The following BBS4 variants were observed in gnomAD, a reference collection of about 807,000 sequenced individuals.
BBS4 encodes BBSome complex member BBS4.
In BBS4, 58 loss-of-function variants were observed where a neutral mutation model predicts 71.4. The observed-to-expected ratio is 0.81, with a 90% confidence interval of 0.66 to 1.01. The LOEUF (loss-of-function observed/expected upper bound fraction) is 1.01, where lower values mean the gene tolerates loss of function less well. Ranked by LOEUF, BBS4 falls within the 50% of genes least tolerant of loss-of-function variation. The pLI, the probability that BBS4 is intolerant of heterozygous loss-of-function variation, is 0.00. For missense variants in BBS4, 660 were observed against 607.9 expected (o/e 1.09, Z -0.90); for synonymous variants, 228 against 216.8 (o/e 1.05, Z -0.46).
At chr15:72,693,059 A>T (rs1353867191) in intron 1 of BBS4, among the ~76,000 whole-genome samples, 2 of 152,236 alleles carry the variant, frequency 1.3e-5, no homozygotes, top group Admixed American at 6.5e-5. Flanking sequence ...AAGAAATTAA[A>T]AAATACATGT....
At chr15:72,703,695 C>T (rs11072382) in intron 2 of BBS4, among the ~76,000 whole-genome samples, 146,543 of 152,266 alleles carry the variant, frequency 0.96, 70,784 homozygotes, top group East Asian at 1. Flanking sequence ...AAAACTTTTA[C>T]GTGCTACATG....
intron 2 of BBS4, among the ~76,000 whole-genome samples, chr15:72,707,889 C>T (rs892355213): frequency 3.9e-5 from 6 of 152,132 alleles, no homozygotes; most frequent in Admixed American, 2.0e-4. Flanking sequence ...TGGGCAACAG[C>T]ATAATGTTCT....
intron 7 of BBS4, 106 bp from the exon 8 acceptor site, chr15:72,724,422 T>C: frequency 6.6e-7 from 1 of 1,524,260 alleles, no homozygotes; most frequent in Middle Eastern, 1.9e-4. Context: ...TGAAATGTGA[T>C]GTTCCTATGT....
intron 10 of BBS4, among the ~76,000 whole-genome samples, chr15:72,730,027 A>G (rs2065781455): frequency 1.3e-5 from 2 of 152,212 alleles, no homozygotes; most frequent in Admixed American, 1.3e-4. Flanking sequence ...CTGTAATCCC[A>G]GCACTTTGGG....
At chr15:72,735,534 G>A (rs1446242801) in intron 13 of BBS4, 3 of 533,626 alleles carry the variant, frequency 5.6e-6, no homozygotes, top group Admixed American at 6.3e-5. Flanking sequence ...GATTTACTCC[G>A]CTGGCATCTT....
chr15:72,702,582 A>G (rs2065189576), intron 2 of BBS4, among the ~76,000 whole-genome samples: 1 of 152,140 alleles, frequency 6.6e-6, no homozygotes, highest in South Asian at 2.1e-4. Flanking sequence ...AGCTAATGAG[A>G]AGCAAACAAA....
At chr15:72,715,260 A>T in intron 4 of BBS4, 31 bp from the exon 5 acceptor site, 1 of 1,537,154 alleles carries the variant, frequency 6.5e-7, no homozygotes, top group Non-Finnish European at 9.0e-7. Flanking sequence ...ACATGGTTTT[A>T]CTTTTTTTTG....
rs1555502366 is a variant in BBS4, at chr15:72,735,810, C to A, written c.1107-15C>A. ...TGCAGAGCCCCCAGCTCCATAGAATCTCTGTCTGCCACAGGTGTAACCCTT... is the reference window on the plus strand; with the variant it reads ...TGCAGAGCCCCCAGCTCCATAGAATATCTGTCTGCCACAGGTGTAACCCTT... On this transcript the variant is annotated splice_polypyrimidine_tract_variant and intron_variant, in intron 13 of 15. Transcript: ENST00000268057. 3.7e-6 allele frequency: 6 copies of A among 1,614,064 alleles called. 1 individual carries two copies. In the South Asian group the frequency reaches 6.6e-5, roughly 18 times the overall value.
chr15:72,730,874 G>C (rs942053063), intron 10 of BBS4, among the ~76,000 whole-genome samples: 5 of 152,114 alleles, frequency 3.3e-5, no homozygotes, highest in Non-Finnish European at 7.3e-5. Context: ...TTCTACGGTA[G>C]AAAGAAATTT....
intron 4 of BBS4, among the ~76,000 whole-genome samples, chr15:72,713,580 A>G (rs944771457): frequency 3.3e-5 from 5 of 152,234 alleles, no homozygotes; most frequent in African/African-American, 1.2e-4. Flanking sequence ...ATTAAAATGT[A>G]TAGCGTAGTA....
chr15:72,727,687 T>G (rs2065728946), intron 8 of BBS4, among the ~76,000 whole-genome samples: 1 of 152,184 alleles, frequency 6.6e-6, no homozygotes, highest in African/African-American at 2.4e-5. Context: ...TATAGGTTCT[T>G]TCTTAGGACT....
In BBS4 at chr15:72,688,411, C is replaced by CTTTTTTTTTTTTTTTTTTTTTTT. The variant is rs58644289; in HGVS notation, c.24+2180_24+2181insTTTTTTTTTTTTTTTTTTTTTTT. Among the ~76,000 whole-genome samples, 239 of 83,054 alleles carry CTTTTTTTTTTTTTTTTTTTTTTT rather than the reference C, an allele frequency of 2.9e-3. 41 individuals carry two copies. The highest frequency in any genetic ancestry group is 6.3e-3 in the East Asian group (12 of 1,908). 54.5% of individuals were successfully genotyped at this position (83,054 alleles called of 152,430 possible). A position where few individuals can be genotyped will look rare whatever the true frequency, so the allele number is the denominator to read the frequency against. ...GTCCTTTTAGGAAGTGGTATTTTAT[C>CTTTTTTTTTTTTTTTTTTTTTTT]TTTTTTTTTTTTTTTTTTTTGAGAC... On this transcript the variant is annotated intron_variant, in intron 1 of 15. Coordinates refer to ENST00000268057, the MANE Select transcript of BBS4 (RefSeq NM_033028.5).
At chr15:72,724,382 T>G in intron 7 of BBS4, 146 bp from the exon 8 acceptor site, 1 of 1,143,374 alleles carries the variant, frequency 8.7e-7, no homozygotes, top group Non-Finnish European at 1.3e-6. Context: ...TTTGGTATGT[T>G]TTGGTCTTTG....
Position 72,713,232 on chromosome 15 carries a change from C to T in BBS4, c.220+925C>T, listed in dbSNP as rs578146798. Among the ~76,000 whole-genome samples the T allele has an allele frequency of 2.6e-5, 4 of 151,972 alleles. No homozygotes were observed. In the East Asian group the frequency reaches 5.8e-4, roughly 22 times the overall value. On this transcript the variant is annotated intron_variant, in intron 4 of 15. Coordinates refer to ENST00000268057, the MANE Select transcript of BBS4 (RefSeq NM_033028.5). ...AAAAACTACGATACACACACTACTACAGTGGTGGTACTAACATGTGGAATG... is the reference window on the plus strand; with the variant it reads ...AAAAACTACGATACACACACTACTATAGTGGTGGTACTAACATGTGGAATG...
At chr15:72,735,026 G>C (rs939107461) in intron 12 of BBS4, 87 bp from the exon 13 acceptor site, 1 of 931,822 alleles carries the variant, frequency 1.1e-6, no homozygotes, top group African/African-American at 1.6e-5. Context: ...TGAGCTGACA[G>C]GGTGAAGTTT....
chr15:72,709,389 C>T (rs2065324560), intron 2 of BBS4, among the ~76,000 whole-genome samples: 1 of 152,118 alleles, frequency 6.6e-6, no homozygotes, highest in Non-Finnish European at 1.5e-5. Context: ...CTTCTATAAC[C>T]AGGGAAGGAG....
At chr15:72,688,855 T>C (rs2064928882) in intron 1 of BBS4, among the ~76,000 whole-genome samples, 1 of 152,202 alleles carries the variant, frequency 6.6e-6, no homozygotes, top group South Asian at 2.1e-4. Flanking sequence ...AAATGCCCAT[T>C]AATAGGGTAA....
intron 2 of BBS4, among the ~76,000 whole-genome samples, chr15:72,702,174 C>G (rs1006877785): frequency 2.0e-5 from 3 of 152,130 alleles, no homozygotes; most frequent in Non-Finnish European, 4.4e-5. Context: ...TTGCGTTGCT[C>G]AGTTATGTCT....
chr15:72,718,073 T>C lies in BBS4; in HGVS notation c.405+1223T>C, dbSNP rs974062807. On this transcript the variant is annotated intron_variant, in intron 6 of 15. Coordinates refer to ENST00000268057, the MANE Select transcript of BBS4 (RefSeq NM_033028.5). ...CATGTTGGCTAGGCTGGTCTCCAAC[T>C]CCTGACCTCAGGTGATTCACCTGCC... 2.0e-5 allele frequency among the ~76,000 whole-genome samples: 3 copies of C among 152,334 alleles called. No homozygotes were observed. The East Asian group carries it at 5.8e-4, about 29-fold the overall frequency.
Sources: gnomAD v4.1 joint callset for allele counts (sites outside exome capture counted in the v4.1 genomes callset) on GRCh38, gnomAD v4.1.1 for gene constraint, MANE v1.5 for transcripts, NCBI Gene and HGNC (gene_info 2026-07-23, HGNC 2026-07-21) for gene names.